TAFA4: variants seen among roughly 807,000 people sequenced by gnomAD.
TAFA4 encodes the protein TAFA chemokine like family member 4.
A neutral mutation model predicts 21.1 loss-of-function variants in TAFA4; 20 were observed. The observed-to-expected ratio is 0.95, with a 90% CI of 0.67 to 1.38. The LOEUF (loss-of-function observed/expected upper bound fraction) is 1.38, where lower values mean the gene tolerates loss of function less well. TAFA4 is among the 40% of genes most tolerant of loss of function. TAFA4 has a pLI of 0.00. For synonymous variants in TAFA4, 71 were observed against 67.4 expected, an observed-to-expected ratio of 1.05 and a Z score of -0.26; for missense variants, 211 against 180.9, an observed-to-expected ratio of 1.17 and a Z score of -0.95.
At chr3:68,845,690 A>G (rs1380220682) in intron 3 of TAFA4, among the ~76,000 whole-genome samples, 2 of 152,174 alleles carry the variant, frequency 1.3e-5, no homozygotes, top group African/African-American at 4.8e-5. Flanking sequence ...TGCTTCCTTC[A>G]GGAGCTCTTA....
At chr3:68,890,361 T>A (rs2089717877) in intron 1 of TAFA4, among the ~76,000 whole-genome samples, 1 of 152,210 alleles carries the variant, frequency 6.6e-6, no homozygotes, top group African/African-American at 2.4e-5. Flanking sequence ...CATACGTACT[T>A]AAAAGCCTTC....
intron 1 of TAFA4, among the ~76,000 whole-genome samples, chr3:68,917,095 A>G (rs2090011150): frequency 6.6e-6 from 1 of 152,170 alleles, no homozygotes; most frequent in Non-Finnish European, 1.5e-5. Flanking sequence ...TAGATGGACC[A>G]CCAACAATTA....
At chr3:68,820,393 G>C (rs1200991516) in intron 3 of TAFA4, among the ~76,000 whole-genome samples, 1 of 152,090 alleles carries the variant, frequency 6.6e-6, no homozygotes, top group African/African-American at 2.4e-5. Flanking sequence ...CTTAAAAATT[G>C]CTAGGCTGGG....
At position 68,880,817 on chromosome 3, in the gene TAFA4, G is replaced by T. The variant is rs1460960194; in HGVS notation, c.43C>A (p.Leu15Met). Residue 15 changes from leucine to methionine, a missense_variant, in exon 3 of 6, where the codon CTG becomes ATG. Transcript: ENST00000295569. ...TAGGCTAGAAAGAGCCAGTGCGACA[G>T]CAACACTGACTTAGCACAGACTCTC... ...RMRVCAKSVL[L>M]SHWLFLAYVL... is the part of the protein sequence containing the mutation. 8 of 1,613,518 alleles carry T rather than the reference G, an allele frequency of 5.0e-6. No homozygotes were observed. The highest frequency in any genetic ancestry group is 5.1e-6 in the Non-Finnish European group (6 of 1,179,938).
chr3:68,868,374 C>T (rs535114697), intron 3 of TAFA4, among the ~76,000 whole-genome samples: 23 of 152,052 alleles, frequency 1.5e-4, no homozygotes, highest in Admixed American at 1.3e-3. Context: ...AAAGAAACAT[C>T]AGAGTTAAAC....
chr3:68,827,500 C>T (rs1707069312), intron 3 of TAFA4, among the ~76,000 whole-genome samples: 1 of 152,214 alleles, frequency 6.6e-6, no homozygotes, highest in Non-Finnish European at 1.5e-5. Flanking sequence ...ACACTCCCGC[C>T]AACAGTGTAA....
intron 1 of TAFA4, among the ~76,000 whole-genome samples, chr3:68,918,178 A>G (rs1429568691): frequency 2.6e-5 from 4 of 151,950 alleles, no homozygotes; most frequent in Non-Finnish European, 5.9e-5. Flanking sequence ...ATTCCAGGGA[A>G]AGGAAATCAG....
intron 1 of TAFA4, among the ~76,000 whole-genome samples, chr3:68,928,619 T>C (rs2090131626): frequency 6.6e-6 from 1 of 152,162 alleles, no homozygotes; most frequent in African/African-American, 2.4e-5. Context: ...TCGCAGCTAC[T>C]AGGAAGTAAC....
chr3:68,845,249 C>G (rs1261708126), intron 3 of TAFA4, among the ~76,000 whole-genome samples: 1 of 152,050 alleles, frequency 6.6e-6, no homozygotes, highest in African/African-American at 2.4e-5. Context: ...GCATTGATCC[C>G]TTTACCATTA....
At chr3:68,780,110 T>C (rs1196219467) in intron 3 of TAFA4, among the ~76,000 whole-genome samples, 1 of 152,216 alleles carries the variant, frequency 6.6e-6, no homozygotes, top group Non-Finnish European at 1.5e-5. Flanking sequence ...GCATGGGGCA[T>C]GTAGCCACTT....
In TAFA4 at chr3:68,758,628, T is replaced by C. The variant is rs536047411; in HGVS notation, c.131-5610A>G. Among the ~76,000 whole-genome samples the C allele has an allele frequency of 2.0e-5, 3 of 152,338 alleles. No homozygotes were observed. The South Asian group carries it at 6.2e-4, about 32-fold the overall frequency. On this transcript the variant is annotated intron_variant, in intron 3 of 5. Transcript: ENST00000295569. Reference sequence around the variant, plus strand: ...TTTCCTTCATAAATTACCATGTCTTTATTAGCAGCATAAAAATGAACAAAT... The same window carrying C: ...TTTCCTTCATAAATTACCATGTCTTCATTAGCAGCATAAAAATGAACAAAT...
At chr3:68,879,071 T>A (rs778002691) in intron 3 of TAFA4, among the ~76,000 whole-genome samples, 1 of 152,094 alleles carries the variant, frequency 6.6e-6, no homozygotes, top group Admixed American at 6.6e-5. Flanking sequence ...ATAAAAAGCA[T>A]CCAACTTCTA....
chr3:68,752,986 C>G lies in TAFA4; in HGVS notation c.163G>C (p.Val55Leu). The change falls in exon 4 of 6, where the codon GTG (valine) becomes CTG (leucine). Residue 55 changes from valine (V) to leucine (L), a missense_variant. Physicochemically the swap from Val to Leu is conservative, Grantham distance 32 (BLOSUM62 1). Coordinates refer to ENST00000295569, the MANE Select transcript of TAFA4 (RefSeq NM_182522.5). ...HHQIKQGTCE[V>L]VAVHRCCNKN... Reference sequence around the variant, plus strand: ...TTGCAGCACCTGTGCACGGCGACCACCTCACAGGTCCCTTGCTTGATTTGG... The same window carrying G: ...TTGCAGCACCTGTGCACGGCGACCAGCTCACAGGTCCCTTGCTTGATTTGG... 2 of 1,613,794 alleles carry G rather than the reference C, an allele frequency of 1.2e-6. No individual in the cohort carries two copies. The highest frequency in any genetic ancestry group is 1.7e-6 in the Non-Finnish European group (2 of 1,179,956).
At chr3:68,910,526 G>T (rs768022909) in intron 1 of TAFA4, among the ~76,000 whole-genome samples, 34 of 152,302 alleles carry the variant, frequency 2.2e-4, no homozygotes, top group Non-Finnish European at 4.4e-4. Context: ...TAAAAGAGAA[G>T]CGAGCCAACC....
At chr3:68,814,979 G>C (rs7651689) in intron 3 of TAFA4, among the ~76,000 whole-genome samples, 2,896 of 152,124 alleles carry the variant, frequency 0.019, 110 homozygotes, top group African/African-American at 0.066. Context: ...TAGACCAATG[G>C]AACAGAACCG....
chr3:68,792,050 G>A (rs1703371424), intron 3 of TAFA4, among the ~76,000 whole-genome samples: 1 of 152,048 alleles, frequency 6.6e-6, no homozygotes, highest in Non-Finnish European at 1.5e-5. Flanking sequence ...GCCTACTAAT[G>A]GATTTCATTA....
At chr3:68,931,574 G>A (rs2090158174) in intron 1 of TAFA4, among the ~76,000 whole-genome samples, 2 of 152,182 alleles carry the variant, frequency 1.3e-5, no homozygotes, top group South Asian at 2.1e-4. Context: ...GGCAAAGTGG[G>A]AAAAAGAGCG....
intron 3 of TAFA4, among the ~76,000 whole-genome samples, chr3:68,819,979 T>C (rs1190339626): frequency 3.3e-5 from 5 of 152,206 alleles, no homozygotes; most frequent in South Asian, 2.1e-4. Context: ...GAGATACCTG[T>C]ACTCCCACAT....
intron 3 of TAFA4, among the ~76,000 whole-genome samples, chr3:68,788,473 G>A (rs1430788630): frequency 6.6e-6 from 1 of 152,166 alleles, no homozygotes; most frequent in Admixed American, 6.5e-5. Flanking sequence ...TTAGTTTGAT[G>A]CAGTTTCCAC....
Sources: allele counts gnomAD v4.1 joint callset (sites outside exome capture counted in the v4.1 genomes callset), GRCh38; gene constraint gnomAD v4.1.1; transcripts MANE v1.5; gene names NCBI Gene and HGNC (gene_info 2026-07-23, HGNC 2026-07-21).